ATXN2: variants seen among roughly 807,000 people sequenced by gnomAD.
ATXN2 encodes the protein ataxin-2.
ATXN2 carries 37 observed loss-of-function variants against 138.6 expected under a neutral mutation model. That is an observed-to-expected ratio of 0.27 (90% CI 0.21 to 0.35). The LOEUF (loss-of-function observed/expected upper bound fraction) is 0.35. ATXN2 is among the 10% of genes least tolerant of loss of function. The pLI, the probability that ATXN2 is intolerant of heterozygous loss-of-function variation, is 1.00. For synonymous variants in ATXN2, 549 were observed against 543.7 expected, an observed-to-expected ratio of 1.01 and a Z score of -0.13; for missense variants, 1,216 against 1,480.3, an observed-to-expected ratio of 0.82 and a Z score of 2.93.
chr12:111,498,369 G>C (rs1438686723), intron 14 of ATXN2, among the ~76,000 whole-genome samples: 3 of 152,134 alleles, frequency 2.0e-5, no homozygotes, highest in Non-Finnish European at 4.4e-5. Context: ...AACAAATTCA[G>C]TAAAATTGCA....
intron 14 of ATXN2, among the ~76,000 whole-genome samples, chr12:111,505,095 G>A (rs974177563): frequency 7.9e-5 from 12 of 152,168 alleles, no homozygotes; most frequent in African/African-American, 2.9e-4. Flanking sequence ...GCAAGGTGTG[G>A]TGGTGCACAC....
chr12:111,459,799 G>A lies in ATXN2; in HGVS notation c.2897-2440C>T, dbSNP rs192851573. Among the ~76,000 whole-genome samples the A allele has an allele frequency of 4.8e-3, 702 of 147,084 alleles. 5 individuals are homozygous for A. Among genetic ancestry groups the A allele is most frequent in the African/African-American group, 0.011 (427 of 39,680 alleles). On this transcript the variant is annotated intron_variant, in intron 21 of 24. Coordinates refer to ENST00000673436, the MANE Select transcript of ATXN2 (RefSeq NM_001372574.1). Reference sequence around the variant, plus strand: ...CACCCAGGCTGGAGTGCAGTGGAGCGATCTCGGCTCACTGCAGCCTCCGCC... The same window carrying A: ...CACCCAGGCTGGAGTGCAGTGGAGCAATCTCGGCTCACTGCAGCCTCCGCC...
In ATXN2 at chr12:111,598,336, G is replaced by A. The variant is rs747731906; in HGVS notation, c.251+448C>T. Reference sequence around the variant, plus strand: ...CCCCTCCAGAGATGTCCCCCATGGAGGGGGACATGTTCCGGAAAACGCCAC... The same window carrying A: ...CCCCTCCAGAGATGTCCCCCATGGAAGGGGACATGTTCCGGAAAACGCCAC... On this transcript the variant is annotated intron_variant, in intron 1 of 24. Coordinates refer to ENST00000673436, the MANE Select transcript of ATXN2 (RefSeq NM_001372574.1). This position sits in a 1 kb window ranked among gnomAD's most constrained non-coding sequence, Gnocchi z 4.5. 3 of 991,680 alleles carry A rather than the reference G, an allele frequency of 3.0e-6. No homozygotes were observed. Among genetic ancestry groups the A allele is most frequent in the Non-Finnish European group, 3.6e-6 (3 of 833,572 alleles). The allele number at this position is 991,680 out of a possible 1,614,324, so 61.4% of individuals were successfully genotyped here.
chr12:111,453,407 C>G lies in ATXN2; in HGVS notation c.3439+270G>C, dbSNP rs1455287279. 1.1e-5 allele frequency: 13 copies of G among 1,213,894 alleles called. No individual in the cohort carries two copies. The highest frequency in any genetic ancestry group is 1.3e-5 in the Non-Finnish European group (13 of 974,488). 75.2% of individuals were successfully genotyped at this position (1,213,894 alleles called of 1,614,324 possible). On this transcript the variant is annotated intron_variant, in intron 24 of 24. Coordinates refer to ENST00000673436, the MANE Select transcript of ATXN2 (RefSeq NM_001372574.1). This position sits in a 1 kb window ranked among gnomAD's most constrained non-coding sequence, Gnocchi z 5.4. Reference sequence around the variant, plus strand: ...TCATAACAAGGAAGGCCAACTGAGTCCTAGGCATGCATCAGGCTGCTGTTG... The same window carrying G: ...TCATAACAAGGAAGGCCAACTGAGTGCTAGGCATGCATCAGGCTGCTGTTG...
At chr12:111,593,354 TAA>T (rs1884777321) in intron 1 of ATXN2, among the ~76,000 whole-genome samples, 3 of 152,006 alleles carry the variant, frequency 2.0e-5, no homozygotes, top group Admixed American at 2.0e-4. Context: ...CTCAGCCTCC[TAA>T]AGTGCTGGGA....
Position 111,456,127 on chromosome 12 carries a change from T to G in ATXN2, c.3172A>C (p.Asn1058His). 1 of 1,614,184 alleles carries G rather than the reference T, an allele frequency of 6.2e-7. No individual in the cohort carries two copies. Among genetic ancestry groups the G allele is most frequent in the Non-Finnish European group, 8.5e-7 (1 of 1,180,036 alleles). Residue 1058 changes from asparagine (N) to histidine (H), a missense_variant, in exon 23 of 25, where the codon AAT becomes CAT. By Grantham distance (68) the Asn-to-His change is moderately conservative. Coordinates refer to ENST00000673436, the MANE Select transcript of ATXN2 (RefSeq NM_001372574.1). Reference sequence around the variant, plus strand: ...GTCTGTTGTGCTGCTGGGAAACTATTCTGTGGCGACTGCGTGTTGGAGGCA... The same window carrying G: ...GTCTGTTGTGCTGCTGGGAAACTATGCTGTGGCGACTGCGTGTTGGAGGCA... ...TPASNTQSPQNSFPAAQQTVF... is the reference protein window; with the variant it reads ...TPASNTQSPQHSFPAAQQTVF...
Position 111,513,341 on chromosome 12 carries a change from C to T in ATXN2, c.1558+16G>A, listed in dbSNP as rs552779754. The T allele has an allele frequency of 9.9e-6, 16 of 1,609,166 alleles. No homozygotes were observed. The South Asian group carries it at 1.8e-4, about 18-fold the overall frequency. ...TGACAAAATGAGTACCATCATTATG[C>T]CCAAGTGTTACCTACCCCCACTGAC... On this transcript the variant is annotated intron_variant, in intron 11 of 24. Coordinates refer to ENST00000673436, the MANE Select transcript of ATXN2 (RefSeq NM_001372574.1).
intron 1 of ATXN2, among the ~76,000 whole-genome samples, chr12:111,575,024 T>C (rs903299188): frequency 1.3e-5 from 2 of 152,164 alleles, no homozygotes; most frequent in South Asian, 2.1e-4. Flanking sequence ...CATGAGATTA[T>C]GTATGCCCTG....
At chr12:111,586,720 C>T (rs942731704) in intron 1 of ATXN2, among the ~76,000 whole-genome samples, 1 of 151,554 alleles carries the variant, frequency 6.6e-6, no homozygotes, top group Non-Finnish European at 1.5e-5. Flanking sequence ...AGGGTTTCAC[C>T]ATGTTGGCCA....
Position 111,453,197 on chromosome 12 carries a change from A to ACAAT in ATXN2, c.3440-361_3440-358dup. The ACAAT allele has an allele frequency of 1.8e-6, 2 of 1,108,694 alleles. No individual in the cohort carries two copies. Among genetic ancestry groups the ACAAT allele is most frequent in the Non-Finnish European group, 2.2e-6 (2 of 908,270 alleles). 68.7% of individuals were successfully genotyped at this position (1,108,694 alleles called of 1,614,324 possible). A position where few individuals can be genotyped will look rare whatever the true frequency, so the allele number is the denominator to read the frequency against. ...CATGGCAGCCATCAAGTAGTAGAGC[A>ACAAT]CAATCACAGGGCGCTCTCCCCTGTT... is the stretch of plus-strand genomic sequence containing the variant. On this transcript the variant is annotated intron_variant, in intron 24 of 24. Transcript: ENST00000673436. The surrounding 1 kb of genome is among the most constrained non-coding windows in gnomAD (Gnocchi z 5.4).
In ATXN2 at chr12:111,474,919, A is replaced by G. The variant is rs868648590; in HGVS notation, c.2525-4177T>C. On this transcript the variant is annotated intron_variant, in intron 18 of 24. Coordinates refer to ENST00000673436, the MANE Select transcript of ATXN2 (RefSeq NM_001372574.1). The stretch of plus-strand genomic sequence containing the variant: ...GCCAACATGGTGAAACCCCATCTCT[A>G]TTAAAAATACAAGGCCGGGCGCAGT... 5.3e-5 allele frequency among the ~76,000 whole-genome samples: 8 copies of G among 151,908 alleles called. No individual in the cohort carries two copies. In the South Asian group the frequency reaches 6.3e-4, roughly 12 times the overall value.
At chr12:111,592,245 C>A (rs1884705400) in intron 1 of ATXN2, among the ~76,000 whole-genome samples, 1 of 151,544 alleles carries the variant, frequency 6.6e-6, no homozygotes, top group Non-Finnish European at 1.5e-5. Flanking sequence ...CAAAACTTAG[C>A]CAGGCATGGT....
At chr12:111,457,606 G>T in intron 21 of ATXN2, 1 of 359,908 alleles carries the variant, frequency 2.8e-6, no homozygotes, top group Non-Finnish European at 4.9e-6. Flanking sequence ...AAATTAGTTT[G>T]CATTTACTCT....
chr12:111,572,379 T>G (rs1883376048), intron 1 of ATXN2, among the ~76,000 whole-genome samples: 1 of 150,956 alleles, frequency 6.6e-6, no homozygotes, highest in Admixed American at 6.6e-5. Flanking sequence ...CCAGCCTGGG[T>G]GACAAGAGCA....
At chr12:111,542,306 T>C (rs1047094997) in intron 5 of ATXN2, among the ~76,000 whole-genome samples, 1 of 151,532 alleles carries the variant, frequency 6.6e-6, no homozygotes, top group Non-Finnish European at 1.5e-5. Context: ...TCTCGGCTCA[T>C]TGCAAACTCC....
chr12:111,491,128 C>T (rs1333840480), intron 14 of ATXN2, among the ~76,000 whole-genome samples: 2 of 152,002 alleles, frequency 1.3e-5, no homozygotes, highest in African/African-American at 2.4e-5. Flanking sequence ...TAGCGCATGC[C>T]GGTAATCCCA....
chr12:111,453,925 C>A lies in ATXN2; in HGVS notation c.3271-80G>T. 1.4e-6 allele frequency: 2 copies of A among 1,447,972 alleles called. No homozygotes were observed. Among genetic ancestry groups the A allele is most frequent in the Non-Finnish European group, 9.3e-7 (1 of 1,070,038 alleles). The allele number at this position is 1,447,972 out of a possible 1,614,324, so 89.7% of individuals were successfully genotyped here. ...TGTCAACTGTGTTCCTTTCACTGGG[C>A]TGGGACTCTCAGGAAAGGGCAACGG... is the stretch of plus-strand genomic sequence containing the variant. On this transcript the variant is annotated intron_variant, in intron 23 of 24. Transcript: ENST00000673436. This position sits in a 1 kb window ranked among gnomAD's most constrained non-coding sequence, Gnocchi z 5.4.
chr12:111,477,634 G>A (rs963170046), intron 18 of ATXN2, among the ~76,000 whole-genome samples: 8 of 152,034 alleles, frequency 5.3e-5, no homozygotes, highest in East Asian at 1.9e-4. Context: ...AAAAAAAACC[G>A]CAGACTGGGA....
intron 5 of ATXN2, among the ~76,000 whole-genome samples, chr12:111,534,564 T>G (rs1881037554): frequency 6.6e-6 from 1 of 151,758 alleles, no homozygotes; most frequent in Non-Finnish European, 1.5e-5. Context: ...CAGAAAAGTT[T>G]AATGCATTGG....
Sources: gnomAD v4.1 joint callset for allele counts (sites outside exome capture counted in the v4.1 genomes callset) on GRCh38, gnomAD v4.1.1 for gene constraint, Gnocchi (gnomAD v3.1) non-coding constraint, MANE v1.5 for transcripts, NCBI Gene and HGNC (gene_info 2026-07-23, HGNC 2026-07-21) for gene names.